The following TRIM37 variants were observed in gnomAD, a reference collection of about 807,000 sequenced individuals.
TRIM37 encodes the protein E3 ubiquitin-protein ligase TRIM37.
In TRIM37, 80 loss-of-function variants were observed where a neutral mutation model predicts 129.8. That is an observed-to-expected ratio of 0.62 (90% CI 0.51 to 0.74). TRIM37 has a LOEUF of 0.74. Among genes scored for constraint, TRIM37 ranks in the 30% least tolerant of loss-of-function variants. The pLI, the probability that TRIM37 is intolerant of heterozygous loss-of-function variation, is 0.00. For missense variants in TRIM37, 1,054 were observed against 1,176.5 expected, an observed-to-expected ratio of 0.90 and a Z score of 1.52; for synonymous variants, 389 against 387.1, an observed-to-expected ratio of 1.00 and a Z score of -0.06.
chr17:58,986,151 CTG>C (rs1385738460), intron 24 of TRIM37, among the ~76,000 whole-genome samples: 3 of 151,928 alleles, frequency 2.0e-5, no homozygotes, highest in African/African-American at 7.3e-5. Context: ...AGCTGCATAA[CTG>C]AGCATTCCCC....
chr17:58,979,905 G>C, downstream of TRIM37: 1 of 1,236,600 alleles, frequency 8.1e-7, no homozygotes, highest in Non-Finnish European at 1.1e-6. Context: ...CATGGCATTG[G>C]TCATAAACGT....
At chr17:59,094,679 A>C (rs953614815) in intron 2 of TRIM37, among the ~76,000 whole-genome samples, 17 of 152,164 alleles carry the variant, frequency 1.1e-4, no homozygotes, top group Admixed American at 7.9e-4. Flanking sequence ...AGGAAAAAGG[A>C]AGATTAAGGT....
chr17:58,972,325 A>C, the TRIM37 span: 1 of 1,533,808 alleles, frequency 6.5e-7, no homozygotes. Context: ...ATTAGTTTAG[A>C]TTTTCTAGTT....
chr17:58,969,415 CT>C, the TRIM37 span: 1 of 917,280 alleles, frequency 1.1e-6, no homozygotes, highest in South Asian at 1.4e-5. Flanking sequence ...AACATTTAGT[CT>C]CATTATTCTG....
downstream of TRIM37, chr17:58,980,024 A>G (rs755313270): frequency 4.3e-6 from 7 of 1,614,066 alleles, no homozygotes; most frequent in South Asian, 7.7e-5. This position sits in a 1 kb window ranked among gnomAD's most constrained non-coding sequence, Gnocchi z 4.7. Flanking sequence ...TTCTGCCTCC[A>G]CTGTTCTGGA....
intron 2 of TRIM37, among the ~76,000 whole-genome samples, chr17:59,092,596 G>C (rs889973398): frequency 1.3e-5 from 2 of 151,924 alleles, no homozygotes; most frequent in South Asian, 2.1e-4. Context: ...TTTCTGACTA[G>C]TTTTCAGGAA....
the TRIM37 span, chr17:58,969,465 TGATGCCAGGA>T: frequency 2.1e-6 from 3 of 1,424,554 alleles, no homozygotes; most frequent in Non-Finnish European, 2.0e-6. Flanking sequence ...TGGGCAACAA[TGATGCCAGGA>T]GATTGGTTCA....
chr17:59,052,957 A>AAAATCAAATCAAATCAAATC (rs60696585), intron 13 of TRIM37, among the ~76,000 whole-genome samples: 22 of 142,436 alleles, frequency 1.5e-4, no homozygotes, highest in South Asian at 6.6e-4. Flanking sequence ...TCTGTCTCAA[A>AAAATCAAATCAAATCAAATC]AAATCAAATC....
rs180751998 is a variant in TRIM37, at chr17:59,066,544, G to A, written c.810-2139C>T. 6.6e-5 allele frequency among the ~76,000 whole-genome samples: 10 copies of A among 152,294 alleles called. No individual in the cohort carries two copies. In the East Asian group the frequency reaches 1.7e-3, roughly 26 times the overall value. On this transcript the variant is annotated intron_variant, in intron 9 of 23. Coordinates refer to ENST00000262294, the MANE Select transcript of TRIM37 (RefSeq NM_015294.6). ...GCCATTTTCAACTCAGAATGGTGAA[G>A]TAGAAAGCTTCCAGGCTAAAGAGCA... is the stretch of plus-strand genomic sequence containing the variant.
chr17:58,969,991 G>A, the TRIM37 span, among the ~76,000 whole-genome samples: 4 of 152,298 alleles, frequency 2.6e-5, no homozygotes, highest in East Asian at 7.7e-4. Context: ...TTTGGCAGGT[G>A]AGTTTCATCT....
At chr17:59,015,905 G>T (rs1254277399) in intron 20 of TRIM37, 106 bp from the exon 21 acceptor site, 1 of 1,089,798 alleles carries the variant, frequency 9.2e-7, no homozygotes, top group African/African-American at 1.6e-5. Context: ...CTTGAACCTG[G>T]GAGGCGGAGG....
chr17:59,095,298 C>G (rs1019151745), intron 2 of TRIM37, among the ~76,000 whole-genome samples: 1 of 151,824 alleles, frequency 6.6e-6, no homozygotes, highest in Non-Finnish European at 1.5e-5. Flanking sequence ...GATAACGTTT[C>G]AAGAAAAACA....
intron 9 of TRIM37, among the ~76,000 whole-genome samples, chr17:59,067,895 T>C (rs2042043936): frequency 1.3e-5 from 2 of 152,222 alleles, no homozygotes; most frequent in African/African-American, 2.4e-5. Context: ...ACTGGGCACA[T>C]AGTCTTTAAT....
intron 16 of TRIM37, among the ~76,000 whole-genome samples, chr17:59,046,918 G>A (rs1006951760): frequency 6.6e-5 from 10 of 150,444 alleles, no homozygotes; most frequent in Admixed American, 6.6e-5. Flanking sequence ...ACTTTGGGAG[G>A]CCGAGGTGGA....
chr17:59,104,563 T>C (rs1186235062), intron 1 of TRIM37, 169 bp from the exon 2 acceptor site: 3 of 772,944 alleles, frequency 3.9e-6, no homozygotes, highest in East Asian at 4.9e-5. Flanking sequence ...TCAAAACATC[T>C]GGAAAATGTA....
At chr17:58,972,416 T>A in the TRIM37 span, 1 of 925,532 alleles carries the variant, frequency 1.1e-6, no homozygotes, top group Admixed American at 3.0e-5. Context: ...AATGGTGTGA[T>A]CTTGGCTCAC....
chr17:59,099,299 G>A (rs2045230475), intron 2 of TRIM37, among the ~76,000 whole-genome samples: 1 of 152,076 alleles, frequency 6.6e-6, no homozygotes, highest in Non-Finnish European at 1.5e-5. Flanking sequence ...CGTAAGATTA[G>A]AATGGAGCTG....
At chr17:59,067,434 T>C (rs1274397687) in intron 9 of TRIM37, among the ~76,000 whole-genome samples, 10 of 152,206 alleles carry the variant, frequency 6.6e-5, no homozygotes, top group Non-Finnish European at 1.3e-4. Context: ...TGGAAGTCAC[T>C]GATCTGCAAA....
At chr17:58,994,747 TTTC>T (rs1490064998), downstream of TRIM37, among the ~76,000 whole-genome samples, 4 of 151,782 alleles carry the variant, frequency 2.6e-5, no homozygotes, top group East Asian at 1.9e-4. Context: ...ATTTTCTTTC[TTTC>T]TTTTTTTTTT....
Sources: allele counts gnomAD v4.1 joint callset (sites outside exome capture counted in the v4.1 genomes callset), GRCh38; gene constraint gnomAD v4.1.1; non-coding constraint Gnocchi (gnomAD v3.1); transcripts MANE v1.5; gene names NCBI Gene and HGNC (gene_info 2026-07-23, HGNC 2026-07-21).